HCN4: variants seen among roughly 807,000 people sequenced by gnomAD.
HCN4 encodes the protein hyperpolarization activated cyclic nucleotide gated potassium channel 4.
Under a neutral mutation model 76.9 loss-of-function variants are expected in HCN4, and 29 were observed. That is an observed-to-expected ratio of 0.38 (90% confidence interval 0.28 to 0.51). HCN4 has a LOEUF of 0.51. Ranked by LOEUF, HCN4 falls within the 20% of genes least tolerant of loss-of-function variation. The pLI is 0.90. For synonymous variants in HCN4, 772 were observed against 762.5 expected (o/e 1.01, Z -0.21); for missense variants, 1,416 against 1,715.2 (o/e 0.83, Z 3.08).
intron 4 of HCN4, among the ~76,000 whole-genome samples, chr15:73,329,250 A>C (rs772049514): frequency 2.0e-4 from 31 of 152,204 alleles, no homozygotes; most frequent in Non-Finnish European, 2.5e-4. Flanking sequence ...GTGAGCAGCC[A>C]GGAAGGGCGT....
intron 2 of HCN4, among the ~76,000 whole-genome samples, chr15:73,334,874 G>A (rs942422411): frequency 3.3e-5 from 5 of 152,062 alleles, no homozygotes; most frequent in East Asian, 1.9e-4. Flanking sequence ...AAATTCCTAC[G>A]TTGAATTCCT....
chr15:73,323,762 C>T lies in HCN4; in HGVS notation c.2331G>A (p.Leu777=), dbSNP rs1161004314. 2 of 1,607,624 alleles carry T rather than the reference C, an allele frequency of 1.2e-6. No homozygotes were observed. Among genetic ancestry groups the T allele is most frequent in the African/African-American group, 1.3e-5 (1 of 74,868 alleles). ...CGGCAGCCTGCAGTGGTGCCTGGAT[C>T]AGCGGGGTCCAGATGACGGGCGTGG... The part of the protein sequence containing the change: ...PTPTPVIWTP[L]IQAPLQAAAA... Residue 777 remains leucine, a synonymous_variant, in exon 8 of 8, where the codon CTG becomes CTA. Coordinates refer to ENST00000261917, the MANE Select transcript of HCN4 (RefSeq NM_005477.3).
At chr15:73,324,356 G>A (rs1382021480) in intron 6 of HCN4, 103 bp from the exon 7 acceptor site, 1 of 1,329,088 alleles carries the variant, frequency 7.5e-7, no homozygotes, top group Non-Finnish European at 1.0e-6. Context: ...CAGAAGCCTT[G>A]GCAGGCTCAC....
At chr15:73,324,885 C>A in intron 6 of HCN4, 70 bp downstream of exon 6, 5 of 1,594,526 alleles carry the variant, frequency 3.1e-6, no homozygotes, top group South Asian at 2.2e-5. Flanking sequence ...TGCCTCTGTC[C>A]CCTCGGTATC....
rs753331607 is a variant in HCN4, at chr15:73,323,307, A to G, written c.2786T>C (p.Leu929Pro). 9.7e-6 allele frequency: 15 copies of G among 1,548,212 alleles called. No homozygotes were observed. The Admixed American group carries it at 2.7e-4, about 28-fold the overall frequency. ...CTGCGGGGAGCGGGCGCCTGGCTGC[A>G]GCGGGGTGAGCAGGGGAGAGTCGGA... is the stretch of plus-strand genomic sequence containing the variant. ...SSSDSPLLTP[L>P]QPGARSPQAA... The change falls in exon 8 of 8, where the codon CTG becomes CCG. Residue 929 changes from leucine to proline, a missense_variant. Leu to Pro is a moderately conservative substitution (Grantham distance 98). Coordinates refer to ENST00000261917, the MANE Select transcript of HCN4 (RefSeq NM_005477.3).
In HCN4 at chr15:73,328,523, T is replaced by C. The variant is rs2042913923; in HGVS notation, c.1590+1050A>G. On this transcript the variant is annotated intron_variant, in intron 4 of 7. Transcript: ENST00000261917. This position sits in a 1 kb window ranked among gnomAD's most constrained non-coding sequence, Gnocchi z 4.0. The stretch of plus-strand genomic sequence containing the variant: ...TCCAACTGCTGTGTGAGGTGTGCAG[T>C]GGAAGGTGCCAGGGCAGAACCTGCT... 6.6e-6 allele frequency among the ~76,000 whole-genome samples: 1 copy of C among 151,820 alleles called. No homozygotes were observed. Among genetic ancestry groups the C allele is most frequent in the East Asian group, 2.0e-4 (1 of 5,116 alleles).
chr15:73,348,760 C>G (rs866063794), intron 1 of HCN4, among the ~76,000 whole-genome samples: 2 of 152,202 alleles, frequency 1.3e-5, no homozygotes, highest in African/African-American at 4.8e-5. Flanking sequence ...TGGGTCTCCA[C>G]GCTTTCTCCC....
intron 2 of HCN4, among the ~76,000 whole-genome samples, chr15:73,333,388 G>C (rs1016300186): frequency 1.3e-5 from 2 of 152,202 alleles, no homozygotes; most frequent in Non-Finnish European, 1.5e-5. Context: ...CCTCTTGGAG[G>C]GGGGCTTGGG....
rs1489387068 is a variant in HCN4 at position 73,367,778 on chromosome 15, G to A, written c.493C>T (p.Pro165Ser). 2.0e-6 allele frequency: 3 copies of A among 1,481,748 alleles called. No individual in the cohort carries two copies. The highest frequency in any genetic ancestry group is 1.3e-5 in the South Asian group (1 of 74,506). The allele number at this position is 1,481,748 out of a possible 1,614,324, so 91.8% of individuals were successfully genotyped here. ...PGASAQPAAS[P>S]PPPQQPPQPA... is the part of the protein sequence containing the mutation. ...TGCGGTGGCTGCTGGGGCGGCGGCGGCGAGGCTGCGGGCTGCGCCGAGGCG... is the reference window on the plus strand; with the variant it reads ...TGCGGTGGCTGCTGGGGCGGCGGCGACGAGGCTGCGGGCTGCGCCGAGGCG... Residue 165 changes from proline (P) to serine (S), a missense_variant, in exon 1 of 8, where the codon CCG becomes TCG. By Grantham distance (74) the Pro-to-Ser change is moderately conservative. This residue lies in a region of HCN4 where 355 missense variants were observed against 347.8 expected (regional missense o/e 1.02). Transcript: ENST00000261917. The surrounding 1 kb of genome is among the most constrained non-coding windows in gnomAD (Gnocchi z 7.5).
rs1231199951 is a variant in HCN4, at chr15:73,343,860, C to T, written c.786-52G>A. On this transcript the variant is annotated intron_variant, in intron 1 of 7. Transcript: ENST00000261917. The surrounding 1 kb of genome is among the most constrained non-coding windows in gnomAD (Gnocchi z 5.7). ...CCAGGAAGAGAGAGAGGACAAGTTA[C>T]AGACTAAGGGAGGAAGATCTGAGGG... 7.0e-6 allele frequency: 11 copies of T among 1,581,800 alleles called. No homozygotes were observed. Among genetic ancestry groups the T allele is most frequent in the Admixed American group, 5.0e-5 (3 of 59,946 alleles).
intron 1 of HCN4, among the ~76,000 whole-genome samples, chr15:73,346,561 C>A (rs1213996095): frequency 6.6e-6 from 1 of 152,088 alleles, no homozygotes; most frequent in Non-Finnish European, 1.5e-5. Flanking sequence ...AGCAGGAGGT[C>A]CCTCCAGCAA....
rs1035960137 is a variant in HCN4 at position 73,367,307 on chromosome 15, T to C, written c.785+179A>G. Among the ~76,000 whole-genome samples, 1 of 151,978 alleles carries C rather than the reference T, an allele frequency of 6.6e-6. No homozygotes were observed. Among genetic ancestry groups the C allele is most frequent in the African/African-American group, 2.4e-5 (1 of 41,422 alleles). ...ACCAGTGACTGAACCCAGAGGAAAG[T>C]TCCCCCAGCGCGGTGCAGGAGGGGG... On this transcript the variant is annotated intron_variant, in intron 1 of 7. Coordinates refer to ENST00000261917, the MANE Select transcript of HCN4 (RefSeq NM_005477.3). This position sits in a 1 kb window ranked among gnomAD's most constrained non-coding sequence, Gnocchi z 7.5.
At chr15:73,351,875 G>A (rs1056059047) in intron 1 of HCN4, among the ~76,000 whole-genome samples, 1 of 152,182 alleles carries the variant, frequency 6.6e-6, no homozygotes, top group Non-Finnish European at 1.5e-5. Context: ...AGACTCAGCA[G>A]CCTTCGGTGT....
rs143188160 is a variant in HCN4, at chr15:73,323,492, G to T, written c.2601C>A (p.Ala867=). Residue 867 remains alanine, a synonymous_variant, in exon 8 of 8, where the codon GCC becomes GCA. Transcript: ENST00000261917. ...FHIQQLAGFS[A]PAGLSPLLPS... ...GCAGGAGTGGGCTCAGTCCAGCGGG[G>T]GCAGAGAATCCAGCCAGCTGTTGGA... is the stretch of plus-strand genomic sequence containing the variant. 955 of 1,603,702 alleles carry T rather than the reference G, an allele frequency of 6.0e-4. 3 individuals carry two copies. The African/African-American group carries it at 0.012, about 20-fold the overall frequency.
intron 1 of HCN4, among the ~76,000 whole-genome samples, chr15:73,348,397 C>T (rs984693581): frequency 6.6e-6 from 1 of 152,226 alleles, no homozygotes; most frequent in Admixed American, 6.5e-5. Context: ...CACGAACATG[C>T]GTGCACACAC....
At chr15:73,340,045 G>T (rs1363054902) in intron 2 of HCN4, among the ~76,000 whole-genome samples, 1 of 152,186 alleles carries the variant, frequency 6.6e-6, no homozygotes, top group Non-Finnish European at 1.5e-5. Context: ...GGCACGTCTA[G>T]TTCAGAGGCC....
At chr15:73,366,951 T>C (rs1343630642) in intron 1 of HCN4, among the ~76,000 whole-genome samples, 1 of 151,254 alleles carries the variant, frequency 6.6e-6, no homozygotes, top group Non-Finnish European at 1.5e-5. Context: ...GTGCAGGGGG[T>C]TTTCATCCCG....
chr15:73,349,592 C>G (rs1328329712), intron 1 of HCN4, among the ~76,000 whole-genome samples: 1 of 152,154 alleles, frequency 6.6e-6, no homozygotes, highest in Non-Finnish European at 1.5e-5. Context: ...AGCTCTCTCT[C>G]CTGTGCTCTC....
chr15:73,324,809 C>A, intron 6 of HCN4, 146 bp downstream of exon 6: 1 of 950,414 alleles, frequency 1.1e-6, no homozygotes, highest in South Asian at 1.6e-5. Flanking sequence ...CCCAGACTGA[C>A]TAAGACACCC....
Sources: gnomAD v4.1 joint callset for allele counts (sites outside exome capture counted in the v4.1 genomes callset) on GRCh38, gnomAD v4.1.1 for gene constraint, gnomAD v4.1.1 regional missense constraint, Gnocchi (gnomAD v3.1) non-coding constraint, MANE v1.5 for transcripts, NCBI Gene and HGNC (gene_info 2026-07-23, HGNC 2026-07-21) for gene names.